The following ZCWPW1 variants were observed in gnomAD, a reference collection of about 807,000 sequenced individuals.
ZCWPW1 encodes zinc finger CW-type and PWWP domain containing 1, also known as zinc finger CW-type PWWP domain protein 1.
A neutral mutation model predicts 81.3 loss-of-function variants in ZCWPW1; 56 were observed. The ratio of observed to expected loss-of-function variants is 0.69; its 90% confidence interval spans 0.56 to 0.86. The LOEUF is 0.86. Ranked by LOEUF, ZCWPW1 falls within the 40% of genes least tolerant of loss-of-function variation. The pLI, the probability that ZCWPW1 is intolerant of heterozygous loss-of-function variation, is 0.00. For synonymous variants in ZCWPW1, 250 were observed against 273.7 expected (o/e 0.91, Z 0.86); for missense variants, 650 against 769.8 (o/e 0.84, Z 1.84).
At chr7:100,411,633 T>G (rs1490652735) in intron 8 of ZCWPW1, among the ~76,000 whole-genome samples, 1 of 152,142 alleles carries the variant, frequency 6.6e-6, no homozygotes, top group Admixed American at 6.6e-5. Flanking sequence ...GAAATGACAG[T>G]TGCCAATAGT....
intron 11 of ZCWPW1, 103 bp downstream of exon 11, chr7:100,407,125 T>G: frequency 1.9e-6 from 2 of 1,061,364 alleles, no homozygotes; most frequent in East Asian, 4.9e-5. Flanking sequence ...TTTTCACTTG[T>G]GTCTGCTGGC....
At chr7:100,407,324 T>C (rs767062964) in intron 10 of ZCWPW1, 21 bp from the exon 11 acceptor site, 2 of 1,607,338 alleles carry the variant, frequency 1.2e-6, no homozygotes, top group South Asian at 2.2e-5. Flanking sequence ...TAGTTGGGTG[T>C]AGGGGACAGA....
chr7:100,422,883 C>G (rs1796598135), intron 2 of ZCWPW1, among the ~76,000 whole-genome samples: 1 of 152,220 alleles, frequency 6.6e-6, no homozygotes, highest in Non-Finnish European at 1.5e-5. Context: ...GCCTCCAGCT[C>G]TATCCATGTT....
chr7:100,416,711 G>C (rs181490614), intron 6 of ZCWPW1, among the ~76,000 whole-genome samples: 1 of 152,298 alleles, frequency 6.6e-6, no homozygotes, highest in East Asian at 1.9e-4. Flanking sequence ...ACTTTGGGAG[G>C]CCAAGGCGGG....
At chr7:100,408,197 C>T (rs1213202721) in intron 10 of ZCWPW1, among the ~76,000 whole-genome samples, 1 of 151,824 alleles carries the variant, frequency 6.6e-6, no homozygotes, top group African/African-American at 2.4e-5. Flanking sequence ...GTGATCTGCC[C>T]GCCTTGGCCT....
chr7:100,416,158 A>T, intron 7 of ZCWPW1, 61 bp from the exon 8 acceptor site: 1 of 1,606,244 alleles, frequency 6.2e-7, no homozygotes, highest in Non-Finnish European at 8.5e-7. Context: ...TGTAGATAGT[A>T]AAGGTCAGTG....
chr7:100,417,733 A>G (rs1795585532), intron 5 of ZCWPW1, among the ~76,000 whole-genome samples: 1 of 151,866 alleles, frequency 6.6e-6, no homozygotes, highest in African/African-American at 2.4e-5. Flanking sequence ...AAAAAAAATT[A>G]TATGTACTGT....
rs1283414156 is a variant in ZCWPW1 at position 100,401,062 on chromosome 7, G to A, written c.1902C>T (p.His634=). 1.2e-6 allele frequency: 2 copies of A among 1,613,978 alleles called. No individual in the cohort carries two copies. The highest frequency in any genetic ancestry group is 1.3e-5 in the African/African-American group (1 of 74,940). The change falls in exon 18 of 18, where the codon CAC becomes CAT. Residue 634 remains histidine, a synonymous_variant. Coordinates refer to ENST00000684423, the MANE Select transcript of ZCWPW1 (RefSeq NM_001386010.1). ...GGAAGTCCTCGCCATCACTGTTGCT[G>A]TGCTGCAGCTCCCCGCTCTGCCCCA... ...RELGQSGELQ[H]SNSDGEDFPV...
intron 1 of ZCWPW1, among the ~76,000 whole-genome samples, chr7:100,426,208 T>C (rs1446993880): frequency 6.6e-6 from 1 of 152,196 alleles, no homozygotes; most frequent in African/African-American, 2.4e-5. Flanking sequence ...AAAGAGTATA[T>C]TTCAGCCGGG....
At chr7:100,403,586 G>T in intron 15 of ZCWPW1, 108 bp downstream of exon 15, 1 of 893,466 alleles carries the variant, frequency 1.1e-6, no homozygotes, top group Non-Finnish European at 1.7e-6. Context: ...CACTTTGGAA[G>T]GCTGAGGTGG....
chr7:100,417,450 G>C, intron 5 of ZCWPW1: 1 of 365,312 alleles, frequency 2.7e-6, no homozygotes, highest in Non-Finnish European at 5.0e-6. Flanking sequence ...AGGCATGGTG[G>C]CTCACGCCTG....
intron 8 of ZCWPW1, among the ~76,000 whole-genome samples, chr7:100,413,377 C>T (rs889992578): frequency 6.6e-6 from 1 of 152,222 alleles, no homozygotes; most frequent in African/African-American, 2.4e-5. Context: ...ACATACCACA[C>T]TTTACCCTAC....
Position 100,419,126 on chromosome 7 carries a change from G to A in ZCWPW1, c.346C>T (p.Leu116Phe). The A allele has an allele frequency of 3.7e-6, 6 of 1,613,604 alleles. No homozygotes were observed. Among genetic ancestry groups the A allele is most frequent in the South Asian group, 1.1e-5 (1 of 91,004 alleles). ...CATGCCATACCCAAGCACTCCTGAAGGGACTTCTGCAGAACAATCTGGACA... is the reference window on the plus strand; with the variant it reads ...CATGCCATACCCAAGCACTCCTGAAAGGACTTCTGCAGAACAATCTGGACA... ...EIVQIVLQKS[L>F]QECLGMGSGL... Residue 116 changes from leucine (L) to phenylalanine (F), a missense_variant, in exon 5 of 18, where the codon CTT becomes TTT. Transcript: ENST00000684423.
In ZCWPW1 at chr7:100,415,967, A is replaced by G. The variant is rs768779906; in HGVS notation, c.754+8T>C. On this transcript the variant is annotated splice_region_variant and intron_variant, in intron 8 of 17. Transcript: ENST00000684423. ...GCCAAGTAGGTTTGCCAAACCAGCTAAACTCACCAAAACCACTTATCTCTC... is the reference window on the plus strand; with the variant it reads ...GCCAAGTAGGTTTGCCAAACCAGCTGAACTCACCAAAACCACTTATCTCTC... 1 of 1,614,034 alleles carries G rather than the reference A, an allele frequency of 6.2e-7. No homozygotes were observed. Among genetic ancestry groups the G allele is most frequent in the Non-Finnish European group, 8.5e-7 (1 of 1,179,994 alleles).
Position 100,401,900 on chromosome 7 carries a change from G to T in ZCWPW1, c.1616C>A (p.Ser539Tyr). Residue 539 changes from serine (S) to tyrosine (Y), a missense_variant, in exon 17 of 18, where the codon TCT becomes TAT. Physicochemically the swap from Ser to Tyr is moderately radical, Grantham distance 144 (BLOSUM62 -2). Transcript: ENST00000684423. ...GRKEGQGNSD[S>Y]DQPGPKKKFK... The stretch of plus-strand genomic sequence containing the variant: ...GCCTTGAGCCTTACCTGGCTGGTCA[G>T]AATCTGAATTCCCTTGGCCTTCTTT... The T allele has an allele frequency of 6.2e-7, 1 of 1,612,960 alleles. No homozygotes were observed. Among genetic ancestry groups the T allele is most frequent in the East Asian group, 2.2e-5 (1 of 44,882 alleles).
rs1796196377 is a variant in ZCWPW1, at chr7:100,420,688, A to G, written c.-29-10T>C. ...TACGCTTTGTGTGCCTCTGTTAGAA[A>G]AAAGAAATTAACTGCTATGACTCTG... On this transcript the variant is annotated splice_polypyrimidine_tract_variant and intron_variant, in intron 2 of 17. Transcript: ENST00000684423. 6.2e-7 allele frequency: 1 copy of G among 1,612,128 alleles called. No homozygotes were observed. Among genetic ancestry groups the G allele is most frequent in the Non-Finnish European group, 8.5e-7 (1 of 1,179,120 alleles).
intron 1 of ZCWPW1, among the ~76,000 whole-genome samples, chr7:100,428,174 C>T (rs550963357): frequency 6.6e-6 from 1 of 152,284 alleles, no homozygotes; most frequent in South Asian, 2.1e-4. Flanking sequence ...GCAAGGAGGA[C>T]CTAAAGGCGA....
At chr7:100,420,494 C>A in intron 3 of ZCWPW1, 128 bp downstream of exon 3, 1 of 1,014,690 alleles carries the variant, frequency 9.9e-7, no homozygotes, top group Non-Finnish European at 1.5e-6. Context: ...AAGCATCTAG[C>A]AGAGCAGTAA....
intron 12 of ZCWPW1, 67 bp from the exon 13 acceptor site, chr7:100,405,160 T>A (rs1015719558): frequency 4.7e-6 from 7 of 1,491,608 alleles, no homozygotes; most frequent in Non-Finnish European, 6.4e-6. Context: ...CCAGGTGCGG[T>A]GGCTCACACC....
Sources: allele counts gnomAD v4.1 joint callset (sites outside exome capture counted in the v4.1 genomes callset), GRCh38; gene constraint gnomAD v4.1.1; transcripts MANE v1.5; gene names NCBI Gene and HGNC (gene_info 2026-07-23, HGNC 2026-07-21).